Variants in TRIO observed in about 807,000 individuals in gnomAD.
TRIO encodes the protein trio Rho guanine nucleotide exchange factor.
A neutral mutation model predicts 351.9 loss-of-function variants in TRIO; 58 were observed. The observed-to-expected ratio is 0.16, with a 90% confidence interval of 0.13 to 0.21. The LOEUF (loss-of-function observed/expected upper bound fraction) is 0.21. Among genes scored for constraint, TRIO ranks in the 10% least tolerant of loss-of-function variants. The pLI is 1.00. For missense variants in TRIO, 3,201 were observed against 4,027.8 expected (o/e 0.79, Z 5.56); for synonymous variants, 1,758 against 1,595.7 (o/e 1.10, Z -2.42).
rs571715350 is a variant in TRIO, at chr5:14,203,018, G to T, written c.157+59136G>T. Among the ~76,000 whole-genome samples, 29 of 152,036 alleles carry T rather than the reference G, an allele frequency of 1.9e-4. 1 individual carries two copies. In the South Asian group the frequency reaches 5.6e-3, roughly 30 times the overall value. ...TCATGAGAAATGATAAGCTATTATC[G>T]TTTGAGCCATGATAAGTTTTGTGGT... On this transcript the variant is annotated intron_variant, in intron 1 of 56. Transcript: ENST00000344204.
chr5:14,224,063 T>C lies in TRIO; in HGVS notation c.158-46762T>C, dbSNP rs372038666. ...GATTGCAGCCATAGTTTTTGATATA[T>C]GCTACCAAATCATGTTTTATTTTGA... On this transcript the variant is annotated intron_variant, in intron 1 of 56. Coordinates refer to ENST00000344204, the MANE Select transcript of TRIO (RefSeq NM_007118.4). Among the ~76,000 whole-genome samples, 205 of 152,340 alleles carry C rather than the reference T, an allele frequency of 1.3e-3. 1 individual carries two copies. Among genetic ancestry groups the C allele is most frequent in the Non-Finnish European group, 2.2e-3 (152 of 68,036 alleles).
At chr5:14,336,785 T>C (rs1249023164) in intron 11 of TRIO, 58 bp downstream of exon 11, 1 of 1,571,908 alleles carries the variant, frequency 6.4e-7, no homozygotes, top group Non-Finnish European at 8.7e-7. Flanking sequence ...TGAACTCTTT[T>C]GGAGGAACCT....
In TRIO at chr5:14,143,794, G is replaced by C. The variant is rs1466985393; in HGVS notation, c.69G>C (p.Ala23=). 10 of 1,039,934 alleles carry C rather than the reference G, an allele frequency of 9.6e-6. 1 individual carries two copies. The South Asian group carries it at 3.5e-4, about 37-fold the overall frequency. 64.4% of individuals were successfully genotyped at this position (1,039,934 alleles called of 1,614,324 possible). The change falls in exon 1 of 57, where the codon GCG becomes GCC. Residue 23 remains alanine (A), a synonymous_variant. Coordinates refer to ENST00000344204, the MANE Select transcript of TRIO (RefSeq NM_007118.4). ...ASSGPAAAAS[A]AGSGCGGGAG... ...CCGGCCCCGCCGCGGCGGCCAGCGC[G>C]GCTGGCTCGGGCTGCGGGGGCGGTG...
intron 1 of TRIO, among the ~76,000 whole-genome samples, chr5:14,207,531 C>CAT (rs1791615737): frequency 7.4e-6 from 1 of 134,772 alleles, no homozygotes. Flanking sequence ...TCTACACACA[C>CAT]ACACACACAC....
Position 14,487,796 on chromosome 5 carries a change from C to T in TRIO, c.7168C>T (p.Pro2390Ser), listed in dbSNP as rs1328042700. 19 of 1,401,174 alleles carry T rather than the reference C, an allele frequency of 1.4e-5. No individual in the cohort carries two copies. Among genetic ancestry groups the T allele is most frequent in the East Asian group, 3.2e-5 (1 of 31,112 alleles). The allele number at this position is 1,401,174 out of a possible 1,614,324, so 86.8% of individuals were successfully genotyped here. Residue 2390 changes from proline (P) to serine (S), a missense_variant, in exon 48 of 57, where the codon CCC (proline) becomes TCC (serine). This residue lies in a region of TRIO where 1,089 missense variants were observed against 954.9 expected (regional missense o/e 1.14). Coordinates refer to ENST00000344204, the MANE Select transcript of TRIO (RefSeq NM_007118.4). The part of the protein sequence containing the change: ...GAAPEAGPSA[P>S]SRRPPGADAE... ...GGCCCCCGAGGCCGGCCCCAGCGCG[C>T]CCAGCAGGCGGCCCCCCGGCGCGGA...
At chr5:14,367,043 C>T (rs918335655) in intron 16 of TRIO, 64 bp downstream of exon 16, 15 of 1,600,064 alleles carry the variant, frequency 9.4e-6, no homozygotes, top group Non-Finnish European at 1.3e-5. Context: ...ATCCTGAATC[C>T]CCCAACATGG....
chr5:14,439,733 G>A (rs1235323429), intron 34 of TRIO, among the ~76,000 whole-genome samples: 2 of 152,162 alleles, frequency 1.3e-5, no homozygotes, highest in African/African-American at 2.4e-5. Context: ...GATCTATCAC[G>A]GGACCGTTTA....
At chr5:14,270,920 C>G in intron 2 of TRIO, 21 bp downstream of exon 2, 1 of 1,570,066 alleles carries the variant, frequency 6.4e-7, no homozygotes, top group African/African-American at 1.3e-5. Context: ...ACTTTCAACT[C>G]TGCTCTATCC....
intron 53 of TRIO, 165 bp downstream of exon 53, chr5:14,498,805 C>G: frequency 9.2e-7 from 1 of 1,082,432 alleles, no homozygotes; most frequent in East Asian, 2.5e-5. Flanking sequence ...ACCAGAGTGT[C>G]TGGGATGTCA....
chr5:14,210,535 AGAG>A (rs1276205798), intron 1 of TRIO, among the ~76,000 whole-genome samples: 1 of 152,158 alleles, frequency 6.6e-6, no homozygotes, highest in Non-Finnish European at 1.5e-5. Flanking sequence ...GGAGCAGTTG[AGAG>A]GAGGTTATTT....
intron 49 of TRIO, among the ~76,000 whole-genome samples, chr5:14,494,861 T>C (rs895406481): frequency 2.0e-5 from 3 of 152,244 alleles, no homozygotes; most frequent in Non-Finnish European, 2.9e-5. Flanking sequence ...ATCATGCCAC[T>C]GCACTCCAGC....
intron 37 of TRIO, among the ~76,000 whole-genome samples, chr5:14,471,010 G>C (rs973209489): frequency 6.6e-6 from 1 of 152,154 alleles, no homozygotes; most frequent in Non-Finnish European, 1.5e-5. Context: ...CCAAAAATGG[G>C]TGCAGTACTC....
intron 23 of TRIO, 43 bp downstream of exon 23, chr5:14,387,890 T>C: frequency 6.3e-7 from 1 of 1,591,672 alleles, no homozygotes; most frequent in South Asian, 1.1e-5. Context: ...ACTGGAAAAG[T>C]GAAGAGAATG....
chr5:14,414,704 G>A (rs1337730979), intron 33 of TRIO, among the ~76,000 whole-genome samples: 1 of 152,078 alleles, frequency 6.6e-6, no homozygotes, highest in African/African-American at 2.4e-5. Context: ...TACCCCTAGT[G>A]TATCGGAGCC....
chr5:14,287,857 T>G (rs1209883920), intron 4 of TRIO, among the ~76,000 whole-genome samples: 1 of 152,230 alleles, frequency 6.6e-6, no homozygotes, highest in Non-Finnish European at 1.5e-5. Context: ...TGCTCAAACG[T>G]TAGGTTTCAG....
intron 34 of TRIO, among the ~76,000 whole-genome samples, chr5:14,456,442 ACACAGGGCTCTGAC>A (rs907237837): frequency 3.9e-5 from 6 of 152,270 alleles, no homozygotes; most frequent in African/African-American, 1.4e-4. Context: ...TGAGCCGATT[ACACAGGGCTCTGAC>A]CACAGGGCTC....
chr5:14,328,559 A>G (rs773932725), intron 9 of TRIO, among the ~76,000 whole-genome samples: 3 of 152,270 alleles, frequency 2.0e-5, no homozygotes, highest in Non-Finnish European at 4.4e-5. Context: ...AAAATAATGT[A>G]CCGAATACAT....
intron 28 of TRIO, among the ~76,000 whole-genome samples, chr5:14,396,044 T>TAA (rs557922366): frequency 0.012 from 778 of 64,456 alleles, 23 homozygotes; most frequent in African/African-American, 0.032. Flanking sequence ...AGACTCCGCC[T>TAA]AAAAAAAAAA....
In TRIO at chr5:14,509,330, A is replaced by G. The variant is rs1374467091; in HGVS notation, c.*908A>G. ...TATGAAGACCTCTGTTGTACCTGTAATAAATATATAGAAAAAGCACATACT... is the reference window on the plus strand; with the variant it reads ...TATGAAGACCTCTGTTGTACCTGTAGTAAATATATAGAAAAAGCACATACT... On this transcript the variant is annotated 3_prime_UTR_variant, in exon 57 of 57. Transcript: ENST00000344204. 2.3e-6 allele frequency: 1 copy of G among 435,522 alleles called. No homozygotes were observed. Among genetic ancestry groups the G allele is most frequent in the African/African-American group, 2.1e-5 (1 of 48,534 alleles). 27.0% of individuals were successfully genotyped at this position (435,522 alleles called of 1,614,324 possible).
Sources: gnomAD v4.1 joint callset for allele counts (sites outside exome capture counted in the v4.1 genomes callset) on GRCh38, gnomAD v4.1.1 for gene constraint, gnomAD v4.1.1 regional missense constraint, MANE v1.5 for transcripts, NCBI Gene and HGNC (gene_info 2026-07-23, HGNC 2026-07-21) for gene names.